Variants in ASXL3 observed in about 807,000 individuals in gnomAD.
ASXL3 encodes the protein ASXL transcriptional regulator 3.
ASXL3 carries 34 observed loss-of-function variants against 170.6 expected under a neutral mutation model. The ratio of observed to expected loss-of-function variants is 0.20; its 90% CI spans 0.15 to 0.27. The LOEUF (loss-of-function observed/expected upper bound fraction) is 0.27. Ranked by LOEUF, ASXL3 falls within the 10% of genes least tolerant of loss-of-function variation. ASXL3 has a pLI of 1.00. For synonymous variants in ASXL3, 1,002 were observed against 989.1 expected (o/e 1.01, Z -0.24); for missense variants, 2,592 against 2,695.3 (o/e 0.96, Z 0.85).
rs1326420201 is a variant in ASXL3, at chr18:33,750,721, G to A, written c.*4126G>A. The A allele has an allele frequency of 6.6e-6, 1 of 152,250 alleles. No individual in the cohort carries two copies. The highest frequency in any genetic ancestry group is 2.1e-4 in the South Asian group (1 of 4,824). The allele number at this position is 152,250 out of a possible 1,614,324, so 9.4% of individuals were successfully genotyped here. ...TGCATGACAAACACAGATTGGGGGC[G>A]AAGGCCCTGAACCTACATAGACATT... On this transcript the variant is annotated 3_prime_UTR_variant, in exon 12 of 12. Transcript: ENST00000269197.
chr18:33,657,498 A>C (rs745859712), intron 4 of ASXL3, among the ~76,000 whole-genome samples: 2 of 152,150 alleles, frequency 1.3e-5, no homozygotes, highest in Non-Finnish European at 2.9e-5. Flanking sequence ...AGGAGGGAAT[A>C]CCAACCATAT....
chr18:33,677,201 C>T (rs561587268), intron 7 of ASXL3, among the ~76,000 whole-genome samples: 1 of 152,196 alleles, frequency 6.6e-6, no homozygotes, highest in East Asian at 1.9e-4. Flanking sequence ...AGAATTATAG[C>T]TTTGTTGGTT....
At chr18:33,631,428 A>G (rs1205592837) in intron 2 of ASXL3, among the ~76,000 whole-genome samples, 2 of 152,078 alleles carry the variant, frequency 1.3e-5, no homozygotes, top group Non-Finnish European at 2.9e-5. Flanking sequence ...CGTCTTGCTT[A>G]TATACTGCTG....
intron 2 of ASXL3, among the ~76,000 whole-genome samples, chr18:33,619,505 AC>A (rs1189008217): frequency 8.6e-5 from 13 of 151,824 alleles, no homozygotes; most frequent in Non-Finnish European, 1.6e-4. Context: ...AAAACCTCAC[AC>A]CGTTTTGCTT....
intron 2 of ASXL3, chr18:33,627,102 T>G (rs2065614842): frequency 6.6e-6 from 1 of 152,478 alleles, no homozygotes; most frequent in Admixed American, 6.6e-5. Flanking sequence ...TGGGTGAAAA[T>G]GGACATTGAG....
At chr18:33,708,952 T>C (rs759765934) in intron 8 of ASXL3, among the ~76,000 whole-genome samples, 1 of 152,220 alleles carries the variant, frequency 6.6e-6, no homozygotes, top group Non-Finnish European at 1.5e-5. Context: ...TTAATGCTAA[T>C]AATTTCTATC....
intron 2 of ASXL3, among the ~76,000 whole-genome samples, chr18:33,618,869 A>G (rs2065468507): frequency 6.6e-6 from 1 of 152,172 alleles, no homozygotes; most frequent in South Asian, 2.1e-4. Context: ...TTGTCTTTCC[A>G]ACACAAATAT....
At chr18:33,704,852 G>T (rs1280501277) in intron 8 of ASXL3, among the ~76,000 whole-genome samples, 1 of 151,874 alleles carries the variant, frequency 6.6e-6, no homozygotes, top group Non-Finnish European at 1.5e-5. Context: ...TGTTTTGATG[G>T]AAGGTTGAGG....
chr18:33,750,474 C>G lies in ASXL3; in HGVS notation c.*3879C>G, dbSNP rs1221327656. On this transcript the variant is annotated 3_prime_UTR_variant, in exon 12 of 12. Coordinates refer to ENST00000269197, the MANE Select transcript of ASXL3 (RefSeq NM_030632.3). Reference sequence around the variant, plus strand: ...ACTTGGTTGCCATAATTTTCTTGTACTGCTGTATTCCCCTCCTTCCCCTGC... The same window carrying G: ...ACTTGGTTGCCATAATTTTCTTGTAGTGCTGTATTCCCCTCCTTCCCCTGC... 1 of 151,010 alleles carries G rather than the reference C, an allele frequency of 6.6e-6. No homozygotes were observed. The highest frequency in any genetic ancestry group is 1.5e-5 in the Non-Finnish European group (1 of 67,892). 9.4% of individuals were successfully genotyped at this position (151,010 alleles called of 1,614,324 possible).
intron 2 of ASXL3, chr18:33,626,763 A>G (rs2065610166): frequency 6.6e-6 from 1 of 152,160 alleles, no homozygotes; most frequent in Non-Finnish European, 1.5e-5. Context: ...AAGGCAATAT[A>G]TATATAGGAT....
chr18:33,700,495 G>C (rs1198121844), intron 8 of ASXL3, among the ~76,000 whole-genome samples: 1 of 151,908 alleles, frequency 6.6e-6, no homozygotes, highest in Non-Finnish European at 1.5e-5. Context: ...TCATGTACTG[G>C]TAGTGCTAGG....
At chr18:33,606,804 C>G (rs1307123693) in intron 1 of ASXL3, among the ~76,000 whole-genome samples, 4 of 151,928 alleles carry the variant, frequency 2.6e-5, no homozygotes, top group Admixed American at 2.6e-4. Flanking sequence ...AATAGGGGCA[C>G]TGCTGCTTAT....
intron 10 of ASXL3, 139 bp downstream of exon 10, chr18:33,734,554 G>A: frequency 2.2e-6 from 1 of 459,332 alleles, no homozygotes; most frequent in Non-Finnish European, 3.7e-6. Flanking sequence ...GTAAGAAATT[G>A]CAGATGAAAT....
chr18:33,726,980 G>A (rs2067362784), intron 8 of ASXL3, among the ~76,000 whole-genome samples: 1 of 152,162 alleles, frequency 6.6e-6, no homozygotes, highest in Admixed American at 6.5e-5. Context: ...CCAGCTAGCT[G>A]TGTGGCTTGC....
intron 8 of ASXL3, among the ~76,000 whole-genome samples, chr18:33,715,695 T>C (rs2067153663): frequency 6.6e-6 from 1 of 152,212 alleles, no homozygotes; most frequent in African/African-American, 2.4e-5. Context: ...AAATCAAATA[T>C]CTACAGAAAA....
chr18:33,594,368 A>G (rs895802177), intron 1 of ASXL3, among the ~76,000 whole-genome samples: 4 of 152,174 alleles, frequency 2.6e-5, no homozygotes, highest in Admixed American at 2.0e-4. Context: ...AAAATGTGAT[A>G]TTACAGTATA....
At chr18:33,698,751 A>G (rs73955178) in intron 8 of ASXL3, among the ~76,000 whole-genome samples, 560 of 152,266 alleles carry the variant, frequency 3.7e-3, no homozygotes, top group African/African-American at 0.012. Flanking sequence ...TACACTTCCA[A>G]TGATATTTAG....
chr18:33,711,487 T>C (rs2067062214), intron 8 of ASXL3, among the ~76,000 whole-genome samples: 1 of 152,192 alleles, frequency 6.6e-6, no homozygotes, highest in African/African-American at 2.4e-5. Context: ...TTATGGAAAA[T>C]CTGAATTCCC....
chr18:33,709,153 T>C (rs1398607145), intron 8 of ASXL3, among the ~76,000 whole-genome samples: 1 of 151,920 alleles, frequency 6.6e-6, no homozygotes, highest in Non-Finnish European at 1.5e-5. Context: ...CAATAACAAA[T>C]GTTGGTGAAG....
Sources: gnomAD v4.1 joint callset for allele counts (sites outside exome capture counted in the v4.1 genomes callset) on GRCh38, gnomAD v4.1.1 for gene constraint, MANE v1.5 for transcripts, NCBI Gene and HGNC (gene_info 2026-07-23, HGNC 2026-07-21) for gene names.